ERC1: variants seen among roughly 807,000 people sequenced by gnomAD.
The protein encoded by ERC1 is RAB6 interacting protein 2.
A neutral mutation model predicts 132.0 loss-of-function variants in ERC1; 56 were observed. The ratio of observed to expected loss-of-function variants is 0.42; its 90% CI spans 0.34 to 0.53. The LOEUF is 0.53. Among genes scored for constraint, ERC1 ranks in the 20% least tolerant of loss-of-function variants. ERC1 has a pLI of 0.03. For synonymous variants in ERC1, 478 were observed against 476.1 expected, an observed-to-expected ratio of 1.00 and a Z score of -0.05; for missense variants, 1,202 against 1,349.9, an observed-to-expected ratio of 0.89 and a Z score of 1.72.
chr12:1,383,379 C>A (rs548843827), intron 16 of ERC1, among the ~76,000 whole-genome samples: 1 of 152,166 alleles, frequency 6.6e-6, no homozygotes, highest in Non-Finnish European at 1.5e-5. Context: ...CGTTAAACTT[C>A]TCTTGGTGGG....
intron 17 of ERC1, among the ~76,000 whole-genome samples, chr12:1,424,860 A>AGATCGATC (rs1241637517): frequency 2.4e-4 from 27 of 110,660 alleles, no homozygotes; most frequent in African/African-American, 4.0e-5. Context: ...ATAGATAGAT[A>AGATCGATC]GATCGATAGA....
intron 12 of ERC1, among the ~76,000 whole-genome samples, chr12:1,205,293 G>A (rs1368516422): frequency 6.6e-6 from 1 of 151,756 alleles, no homozygotes; most frequent in Admixed American, 6.6e-5. Context: ...TTTCTGATAG[G>A]ATTCAGAAAT....
chr12:1,112,082 G>C, intron 5 of ERC1, 133 bp from the exon 6 acceptor site: 1 of 620,034 alleles, frequency 1.6e-6, no homozygotes, highest in Non-Finnish European at 2.9e-6. Flanking sequence ...TCTTTGAAGA[G>C]GGAATGAGGG....
At chr12:1,120,608 A>G (rs1160886407) in intron 7 of ERC1, among the ~76,000 whole-genome samples, 2 of 152,184 alleles carry the variant, frequency 1.3e-5, no homozygotes, top group Admixed American at 6.5e-5. Context: ...GGGACCTACC[A>G]TTAAATGTAT....
chr12:1,020,868 G>C (rs1966254036), intron 1 of ERC1: 1 of 152,160 alleles, frequency 6.6e-6, no homozygotes, highest in Non-Finnish European at 1.5e-5. Flanking sequence ...GAAGGGAGGA[G>C]CATTAAATAA....
intron 17 of ERC1, among the ~76,000 whole-genome samples, chr12:1,421,507 T>TG (rs2092427995): frequency 6.6e-6 from 1 of 151,938 alleles, no homozygotes; most frequent in African/African-American, 2.4e-5. Flanking sequence ...AGTTTCTAGG[T>TG]GGGGGTCACA....
intron 7 of ERC1, among the ~76,000 whole-genome samples, chr12:1,123,846 T>C (rs185715138): frequency 6.6e-6 from 1 of 152,200 alleles, no homozygotes; most frequent in Non-Finnish European, 1.5e-5. Context: ...AATACAAAAA[T>C]GAGCTGGGCG....
Position 1,112,208 on chromosome 12 carries a change from G to A in ERC1, c.1318-7G>A, listed in dbSNP as rs755511392. Reference sequence around the variant, plus strand: ...ATAAGTGAAAAAGAATAATAATGTCGTGACAGGTAGAACAACTGAAGGAGG... The same window carrying A: ...ATAAGTGAAAAAGAATAATAATGTCATGACAGGTAGAACAACTGAAGGAGG... On this transcript the variant is annotated splice_polypyrimidine_tract_variant and splice_region_variant and intron_variant, in intron 5 of 18. Coordinates refer to ENST00000360905, the MANE Select transcript of ERC1 (RefSeq NM_178040.4). 2.1e-5 allele frequency: 33 copies of A among 1,600,616 alleles called. No homozygotes were observed. Among genetic ancestry groups the A allele is most frequent in the Middle Eastern group, 1.7e-4 (1 of 6,058 alleles).
At position 1,199,660 on chromosome 12, in the gene ERC1, C is replaced by T. The variant is rs181613752; in HGVS notation, c.2351+9608C>T. ...GGGCATGGTGGCAGGCACCTGTAAT[C>T]CCAGCTATTTGGTAGGCTGAGGCAC... On this transcript the variant is annotated intron_variant, in intron 12 of 18. Coordinates refer to ENST00000360905, the MANE Select transcript of ERC1 (RefSeq NM_178040.4). 3.0e-3 allele frequency among the ~76,000 whole-genome samples: 457 copies of T among 152,034 alleles called. 2 individuals carry two copies. The highest frequency in any genetic ancestry group is 0.014 in the Middle Eastern group (4 of 294).
intron 12 of ERC1, among the ~76,000 whole-genome samples, chr12:1,218,718 C>G (rs73025627): frequency 0.024 from 3,570 of 151,854 alleles, 52 homozygotes; most frequent in Middle Eastern, 0.075. Flanking sequence ...ACCAGTGTCT[C>G]CTTATTTTCT....
At chr12:1,010,703 G>T (rs942355541) in intron 1 of ERC1, among the ~76,000 whole-genome samples, 1 of 151,486 alleles carries the variant, frequency 6.6e-6, no homozygotes, top group African/African-American at 2.4e-5. Context: ...ATTAGAAATG[G>T]GTTTTTACCA....
intron 7 of ERC1, among the ~76,000 whole-genome samples, chr12:1,136,923 T>C (rs1227243562): frequency 6.6e-6 from 1 of 152,138 alleles, no homozygotes; most frequent in Non-Finnish European, 1.5e-5. Context: ...TCTTCTGACA[T>C]ACTGTTCATA....
chr12:1,419,184 A>G (rs2092322560), intron 17 of ERC1, among the ~76,000 whole-genome samples: 1 of 152,186 alleles, frequency 6.6e-6, no homozygotes, highest in African/African-American at 2.4e-5. Context: ...ATATCCAATT[A>G]TAAATAAGAC....
intron 17 of ERC1, among the ~76,000 whole-genome samples, chr12:1,435,186 A>G (rs2092915828): frequency 6.6e-6 from 1 of 152,200 alleles, no homozygotes; most frequent in African/African-American, 2.4e-5. Context: ...CTGATTGACT[A>G]TAGCAAACAT....
intron 15 of ERC1, among the ~76,000 whole-genome samples, chr12:1,367,672 G>A (rs1205480069): frequency 6.6e-6 from 1 of 152,130 alleles, no homozygotes; most frequent in Non-Finnish European, 1.5e-5. Flanking sequence ...TGCCCAGATG[G>A]GGGAAGGGGA....
intron 15 of ERC1, among the ~76,000 whole-genome samples, chr12:1,315,813 A>C (rs1437812501): frequency 1.3e-5 from 2 of 152,216 alleles, no homozygotes; most frequent in East Asian, 3.8e-4. Context: ...AGTGAAGTGA[A>C]TCATGGGTGT....
At chr12:1,360,611 T>C (rs1415816667) in intron 15 of ERC1, among the ~76,000 whole-genome samples, 3 of 152,230 alleles carry the variant, frequency 2.0e-5, no homozygotes, top group Admixed American at 6.5e-5. Flanking sequence ...ATTCCAAATA[T>C]TTAAATAATG....
intron 11 of ERC1, 70 bp downstream of exon 11, chr12:1,183,491 T>G (rs1954716411): frequency 2.9e-6 from 3 of 1,021,980 alleles, no homozygotes; most frequent in Admixed American, 5.3e-5. Context: ...CTTAGCATGT[T>G]TATATGGAAT....
chr12:1,102,817 G>A (rs967300275), intron 3 of ERC1, among the ~76,000 whole-genome samples: 20 of 152,142 alleles, frequency 1.3e-4, no homozygotes, highest in Non-Finnish European at 2.6e-4. Flanking sequence ...GGACACATGC[G>A]TTCTTTTTTG....
Sources: allele counts gnomAD v4.1 joint callset (sites outside exome capture counted in the v4.1 genomes callset), GRCh38; gene constraint gnomAD v4.1.1; transcripts MANE v1.5; gene names NCBI Gene and HGNC (gene_info 2026-07-23, HGNC 2026-07-21).